ZNF735: variants seen among roughly 807,000 people sequenced by gnomAD.
The protein encoded by ZNF735 is zinc finger protein 735.
A neutral mutation model predicts 13.4 loss-of-function variants in ZNF735; 11 were observed. The ratio of observed to expected loss-of-function variants is 0.82; its 90% CI spans 0.52 to 1.36. The LOEUF (loss-of-function observed/expected upper bound fraction) is 1.36. ZNF735 is among the 40% of genes most tolerant of loss of function. The pLI is 0.00. For synonymous variants in ZNF735, 171 were observed against 162.6 expected, an observed-to-expected ratio of 1.05 and a Z score of -0.39; for missense variants, 500 against 484.6, an observed-to-expected ratio of 1.03 and a Z score of -0.30.
rs1217950675 is a variant in ZNF735, at chr7:64,219,979, T to G, written c.928T>G (p.Ser310Ala). 1.9e-6 allele frequency: 3 copies of G among 1,613,968 alleles called. No homozygotes were observed. In the South Asian group the frequency reaches 3.3e-5, roughly 18 times the overall value. The change falls in exon 4 of 4, where the codon TCA becomes GCA. Residue 310 changes from serine (S) to alanine (A), a missense_variant. By Grantham distance (99) the Ser-to-Ala change is moderately conservative. Transcript: ENST00000429565. ...ATGTGGCAAAGCCTTTAGCGTATCCTCAGCCCTCATTTACCACAAGAGAAT... is the reference window on the plus strand; with the variant it reads ...ATGTGGCAAAGCCTTTAGCGTATCCGCAGCCCTCATTTACCACAAGAGAAT...
rs1201367719 is a variant in ZNF735 at position 64,213,149 on chromosome 7, C to T, written c.97C>T (p.Leu33=). ...ATTCTCTCTGGCGGAGTGGCAATGC[C>T]TGGATCATGCTCAGCAGAATTTATA... is the stretch of plus-strand genomic sequence containing the variant. The change falls in exon 2 of 4, where the codon CTG becomes TTG. Residue 33 remains leucine, a synonymous_variant. Transcript: ENST00000429565. 2.5e-6 allele frequency: 4 copies of T among 1,612,946 alleles called. No individual in the cohort carries two copies. The African/African-American group carries it at 5.3e-5, about 22-fold the overall frequency.
chr7:64,216,003 T>A (rs988058004), intron 3 of ZNF735, among the ~76,000 whole-genome samples: 3 of 152,162 alleles, frequency 2.0e-5, no homozygotes, highest in Non-Finnish European at 4.4e-5. Context: ...TAATAAAATT[T>A]AAAAATTTTA....
intron 1 of ZNF735, among the ~76,000 whole-genome samples, chr7:64,211,307 G>A (rs981713202): frequency 1.3e-5 from 2 of 152,142 alleles, no homozygotes; most frequent in Admixed American, 1.3e-4. Context: ...AGGAAACACA[G>A]TTGTCTTTGG....
chr7:64,219,390 A>G, exon 4 of ZNF735: 1 of 1,614,016 alleles, frequency 6.2e-7, no homozygotes, highest in Non-Finnish European at 8.5e-7. Flanking sequence ...TAATACCAAG[A>G]ACATATGGAA....
exon 4 of ZNF735, chr7:64,220,254 A>C (rs779758676): frequency 6.2e-7 from 1 of 1,612,184 alleles, no homozygotes; most frequent in South Asian, 1.1e-5. Flanking sequence ...AACATAAGAT[A>C]ATTCACACTG....
At chr7:64,216,325 A>G (rs1408908992) in intron 3 of ZNF735, among the ~76,000 whole-genome samples, 1 of 152,130 alleles carries the variant, frequency 6.6e-6, no homozygotes, top group Non-Finnish European at 1.5e-5. Flanking sequence ...CAATATTTCA[A>G]TAATAAATAT....
chr7:64,213,002 C>G (rs1787377733), intron 1 of ZNF735, 90 bp from the exon 2 acceptor site: 8 of 1,354,452 alleles, frequency 5.9e-6, no homozygotes, highest in Non-Finnish European at 8.1e-6. Context: ...CTTCTTTTTA[C>G]TCTCTTTTTT....
At chr7:64,213,268 T>C in intron 2 of ZNF735, 50 bp downstream of exon 2, 1 of 1,523,232 alleles carries the variant, frequency 6.6e-7, no homozygotes, top group South Asian at 1.3e-5. Context: ...GTTCTCTCTT[T>C]TCTAAGATGA....
chr7:64,210,423 G>A (rs1787341808), intron 1 of ZNF735, among the ~76,000 whole-genome samples: 1 of 152,148 alleles, frequency 6.6e-6, no homozygotes, highest in Admixed American at 6.6e-5. Flanking sequence ...AATGTGTCTG[G>A]GAAAGCACAA....
chr7:64,220,023 C>T (rs10258764), exon 4 of ZNF735: 59,835 of 1,613,692 alleles, frequency 0.037, 1,978 homozygotes, highest in African/African-American at 0.14. Flanking sequence ...GAGAGAAACC[C>T]TACACATGTG....
intron 3 of ZNF735, 51 bp downstream of exon 3, chr7:64,214,159 A>C: frequency 6.3e-7 from 1 of 1,575,272 alleles, no homozygotes; most frequent in South Asian, 1.1e-5. Flanking sequence ...TCCACAAGTC[A>C]AGGAGGTAGC....
chr7:64,208,623 A>G (rs201282240), intron 1 of ZNF735, among the ~76,000 whole-genome samples: 5,422 of 152,146 alleles, frequency 0.036, 170 homozygotes, highest in East Asian at 0.16. Context: ...TATATAGGTA[A>G]AATCATATCA....
intron 3 of ZNF735, among the ~76,000 whole-genome samples, chr7:64,218,412 C>A (rs1787446918): frequency 6.6e-6 from 1 of 151,234 alleles, no homozygotes; most frequent in African/African-American, 2.4e-5. Context: ...TGTGTATATC[C>A]TAGTTTGTTT....
chr7:64,211,711 C>T (rs959233997), intron 1 of ZNF735, among the ~76,000 whole-genome samples: 1 of 151,398 alleles, frequency 6.6e-6, no homozygotes, highest in Non-Finnish European at 1.5e-5. Flanking sequence ...TAAAAAAATA[C>T]AAAAAATAGC....
At chr7:64,219,487 A>C (rs767271833) in exon 4 of ZNF735, 2 of 1,613,166 alleles carry the variant, frequency 1.2e-6, no homozygotes, top group East Asian at 4.5e-5. Context: ...TAATGACCTT[A>C]ACCAATGTTT....
chr7:64,219,736 A>G (rs1425981755), exon 4 of ZNF735: 1 of 1,604,830 alleles, frequency 6.2e-7, no homozygotes, highest in Non-Finnish European at 8.5e-7. Flanking sequence ...CTCAAGCGGT[A>G]CTACACATAA....
At chr7:64,219,485 T>C (rs1787460735) in exon 4 of ZNF735, 1 of 1,612,788 alleles carries the variant, frequency 6.2e-7, no homozygotes, top group South Asian at 1.1e-5. Flanking sequence ...TATAATGACC[T>C]TAACCAATGT....
intron 1 of ZNF735, among the ~76,000 whole-genome samples, chr7:64,207,816 ATC>A (rs1011015977): frequency 1.3e-5 from 2 of 152,074 alleles, no homozygotes; most frequent in Non-Finnish European, 2.9e-5. Flanking sequence ...GTAAAACCCC[ATC>A]TCTACTAAAA....
chr7:64,211,092 A>G (rs754467270), intron 1 of ZNF735, among the ~76,000 whole-genome samples: 33 of 152,182 alleles, frequency 2.2e-4, no homozygotes, highest in Non-Finnish European at 4.4e-4. Flanking sequence ...TGTTTCAACT[A>G]CTTTTTGTGA....
Sources: allele counts gnomAD v4.1 joint callset (sites outside exome capture counted in the v4.1 genomes callset), GRCh38; gene constraint gnomAD v4.1.1; transcripts MANE v1.5; gene names NCBI Gene and HGNC (gene_info 2026-07-23, HGNC 2026-07-21).